Variants in ADK observed in about 807,000 individuals in gnomAD.
The protein encoded by ADK is adenosine kinase.
In ADK, 24 loss-of-function variants were observed where a neutral mutation model predicts 44.7. The ratio of observed to expected loss-of-function variants is 0.54; its 90% CI spans 0.39 to 0.76. ADK has a LOEUF of 0.76. Ranked by LOEUF, ADK falls within the 30% of genes least tolerant of loss-of-function variation. The pLI is 0.00. For synonymous variants in ADK, 128 were observed against 142.6 expected, an observed-to-expected ratio of 0.90 and a Z score of 0.73; for missense variants, 321 against 425.1, an observed-to-expected ratio of 0.76 and a Z score of 2.15.
At chr10:74,431,387 C>G (rs954312821) in intron 6 of ADK, among the ~76,000 whole-genome samples, 9 of 152,146 alleles carry the variant, frequency 5.9e-5, no homozygotes, top group African/African-American at 2.2e-4. Context: ...GGCAAACTTG[C>G]ATTGGAATGT....
At chr10:74,156,954 G>C (rs1344927865) in intron 1 of ADK, among the ~76,000 whole-genome samples, 1 of 152,190 alleles carries the variant, frequency 6.6e-6, no homozygotes, top group Non-Finnish European at 1.5e-5. Flanking sequence ...TTAGACTCTG[G>C]GTTCAGGAGC....
At chr10:74,693,010 G>A (rs1433197952) in intron 10 of ADK, among the ~76,000 whole-genome samples, 1 of 152,140 alleles carries the variant, frequency 6.6e-6, no homozygotes, top group Non-Finnish European at 1.5e-5. Flanking sequence ...AGGAGAGAGG[G>A]ATGAATAGGT....
At chr10:74,631,083 A>G (rs1183560288) in intron 9 of ADK, among the ~76,000 whole-genome samples, 1 of 151,932 alleles carries the variant, frequency 6.6e-6, no homozygotes, top group East Asian at 1.9e-4. Context: ...ACTTCCTTAC[A>G]TTCTGCGACC....
intron 9 of ADK, chr10:74,655,490 C>A: frequency 2.1e-6 from 1 of 484,252 alleles, no homozygotes; most frequent in Non-Finnish European, 4.2e-6. Flanking sequence ...TGTGCAGCTG[C>A]CACTGGCTCA....
At chr10:74,399,575 AG>A (rs1843640107) in intron 6 of ADK, among the ~76,000 whole-genome samples, 1 of 151,930 alleles carries the variant, frequency 6.6e-6, no homozygotes, top group African/African-American at 2.4e-5. Context: ...CTTTTCTGCC[AG>A]TATGTGAGAA....
chr10:74,445,053 G>A (rs1283547658), intron 6 of ADK, among the ~76,000 whole-genome samples: 1 of 151,792 alleles, frequency 6.6e-6, no homozygotes, highest in East Asian at 1.9e-4. Flanking sequence ...TATAAACAAT[G>A]GGTTGTAAAT....
At chr10:74,702,563 CCTTCCTT>C (rs1554900305) in intron 10 of ADK, among the ~76,000 whole-genome samples, 1 of 149,572 alleles carries the variant, frequency 6.7e-6, no homozygotes, top group Non-Finnish European at 1.5e-5. Flanking sequence ...TTCCTTCCTT[CCTTCCTT>C]CCTCTCTCTC....
intron 6 of ADK, among the ~76,000 whole-genome samples, chr10:74,492,680 G>A (rs1847530919): frequency 6.6e-6 from 1 of 152,054 alleles, no homozygotes; most frequent in African/African-American, 2.4e-5. Flanking sequence ...GAAAAGTATA[G>A]GCTGCTTATT....
chr10:74,404,993 A>G (rs746134913), intron 6 of ADK, among the ~76,000 whole-genome samples: 2 of 142,706 alleles, frequency 1.4e-5, no homozygotes, highest in African/African-American at 5.9e-5. Context: ...TACATCTTCA[A>G]ATTGGTTTTC....
At chr10:74,659,770 A>G (rs570749997) in intron 9 of ADK, among the ~76,000 whole-genome samples, 1 of 152,320 alleles carries the variant, frequency 6.6e-6, no homozygotes, top group African/African-American at 2.4e-5. Context: ...AGAAAGTTGT[A>G]GGCTGGGAGG....
chr10:74,277,406 G>GTT, intron 3 of ADK, among the ~76,000 whole-genome samples: 1 of 13,614 alleles, frequency 7.3e-5, no homozygotes, highest in Non-Finnish European at 1.4e-4. Flanking sequence ...GTTTTGTTTT[G>GTT]TTTTTTTGAG....
At chr10:74,404,319 TAATAAG>T (rs1843830883) in intron 6 of ADK, among the ~76,000 whole-genome samples, 1 of 152,140 alleles carries the variant, frequency 6.6e-6, no homozygotes, top group South Asian at 2.1e-4. Flanking sequence ...TTAAAAGACT[TAATAAG>T]AAAAAATTCA....
chr10:74,328,279 GTTATAA>G (rs1841088325), intron 4 of ADK, among the ~76,000 whole-genome samples: 1 of 152,114 alleles, frequency 6.6e-6, no homozygotes, highest in African/African-American at 2.4e-5. Flanking sequence ...AATTGTTGTA[GTTATAA>G]TTATTTTTAA....
intron 6 of ADK, among the ~76,000 whole-genome samples, chr10:74,445,617 A>G (rs895725074): frequency 6.6e-6 from 1 of 152,010 alleles, no homozygotes; most frequent in African/African-American, 2.4e-5. Flanking sequence ...CACCTGCTTG[A>G]AGGAAAGAGT....
chr10:74,556,735 A>G (rs1412560050), intron 7 of ADK, among the ~76,000 whole-genome samples: 7 of 152,226 alleles, frequency 4.6e-5, no homozygotes, highest in African/African-American at 1.7e-4. Context: ...TGCCAGGCAC[A>G]ACTGGAGGCA....
chr10:74,415,873 C>G (rs546914862), intron 6 of ADK, among the ~76,000 whole-genome samples: 1 of 151,970 alleles, frequency 6.6e-6, no homozygotes, highest in Admixed American at 6.6e-5. Context: ...GTATTTATGT[C>G]TTTATTGTTG....
intron 4 of ADK, among the ~76,000 whole-genome samples, chr10:74,353,136 T>G (rs1842021368): frequency 6.6e-6 from 1 of 152,124 alleles, no homozygotes; most frequent in African/African-American, 2.4e-5. Context: ...GTAGCGCTAT[T>G]TACAATAGCA....
intron 7 of ADK, among the ~76,000 whole-genome samples, chr10:74,584,931 T>C (rs1851482432): frequency 6.6e-6 from 1 of 152,198 alleles, no homozygotes; most frequent in Non-Finnish European, 1.5e-5. Context: ...TTAATATTGA[T>C]TATAGATAAT....
At chr10:74,312,705 G>A (rs191363701) in intron 3 of ADK, among the ~76,000 whole-genome samples, 2 of 149,718 alleles carry the variant, frequency 1.3e-5, no homozygotes, top group African/African-American at 4.9e-5. Flanking sequence ...TCAGGAGTTC[G>A]AGATCTGCTG....
Sources: allele counts gnomAD v4.1 joint callset (sites outside exome capture counted in the v4.1 genomes callset), GRCh38; gene constraint gnomAD v4.1.1; transcripts MANE v1.5; gene names NCBI Gene and HGNC (gene_info 2026-07-23, HGNC 2026-07-21).